PLOD3: variants seen among roughly 807,000 people sequenced by gnomAD.
PLOD3 encodes procollagen-lysine,2-oxoglutarate 5-dioxygenase 3.
In PLOD3, 73 loss-of-function variants were observed where a neutral mutation model predicts 96.9. The ratio of observed to expected loss-of-function variants is 0.75; its 90% CI spans 0.62 to 0.92. The LOEUF is 0.92. Among genes scored for constraint, PLOD3 ranks in the 40% least tolerant of loss-of-function variants. PLOD3 has a pLI of 0.00. For synonymous variants in PLOD3, 454 were observed against 413.7 expected, an observed-to-expected ratio of 1.10 and a Z score of -1.18; for missense variants, 1,004 against 1,004.3, an observed-to-expected ratio of 1.00 and a Z score of 0.00.
At chr7:101,213,080 G>A (rs1482222603) in intron 7 of PLOD3, 27 bp downstream of exon 7, 2 of 1,516,210 alleles carry the variant, frequency 1.3e-6, no homozygotes, top group Admixed American at 1.7e-5. Flanking sequence ...GGCAGGGCGG[G>A]GCGGGGGTTG....
Position 101,217,212 on chromosome 7 carries a change from C to T in PLOD3, c.63G>A (p.Ala21=), listed in dbSNP as rs1057439428. 4.0e-6 allele frequency: 6 copies of T among 1,501,052 alleles called. No individual in the cohort carries two copies. Among genetic ancestry groups the T allele is most frequent in the Non-Finnish European group, 5.3e-6 (6 of 1,126,886 alleles). The allele number at this position is 1,501,052 out of a possible 1,614,324, so 93.0% of individuals were successfully genotyped here. A position where few individuals can be genotyped will look rare whatever the true frequency, so the allele number is the denominator to read the frequency against. The change falls in exon 1 of 19, where the codon GCG becomes GCA. Residue 21 remains alanine, a synonymous_variant. Transcript: ENST00000223127. ...LLLLPLLLPP[A]ASASDRPRGR... is the part of the protein sequence containing the mutation. ...CCCGGGGCCGGTCGGAGGCTGAGGC[C>T]GCAGGGGGCAGCAGCAGCGGCAGCA...
rs1192783718 is a variant in PLOD3 at position 101,216,480 on chromosome 7, C to T, written c.268G>A (p.Val90Ile). ...TCCATTTCCTTCTTTAACCACCGGA[C>T]CTTCTGTCCTCCACCAACTGTTCGA... The part of the protein sequence containing the change: ...VARTVGGGQK[V>I]RWLKKEMEKY... Residue 90 changes from valine (V) to isoleucine (I), a missense_variant, in exon 3 of 19, where the codon GTC becomes ATC. Physicochemically the swap from Val to Ile is conservative, Grantham distance 29 (BLOSUM62 3). Around this residue, in one of 5 missense-constraint regions of PLOD3, gnomAD observed 690 missense variants for 650.2 expected, o/e 1.06. Coordinates refer to ENST00000223127, the MANE Select transcript of PLOD3 (RefSeq NM_001084.5). 3.1e-6 allele frequency: 5 copies of T among 1,614,136 alleles called. No homozygotes were observed. The highest frequency in any genetic ancestry group is 3.3e-5 in the Admixed American group (2 of 60,012).
rs1798078041 is a variant in PLOD3, at chr7:101,206,161, C to CTCAGGTGACATATTCAGTTCAG, written c.*119_*120insCTGAACTGAATATGTCACCTGA. On this transcript the variant is annotated 3_prime_UTR_variant, in exon 19 of 19. Coordinates refer to ENST00000223127, the MANE Select transcript of PLOD3 (RefSeq NM_001084.5). ...CAAGGTGACATATTCAGTTCAGGCA[C>CTCAGGTGACATATTCAGTTCAG]GCGGAACATGAACTCAGGAAGTGGG... The CTCAGGTGACATATTCAGTTCAG allele has an allele frequency of 9.5e-7, 1 of 1,056,102 alleles. No homozygotes were observed. The highest frequency in any genetic ancestry group is 1.5e-6 in the Non-Finnish European group (1 of 674,874). 65.4% of individuals were successfully genotyped at this position (1,056,102 alleles called of 1,614,324 possible). A position where few individuals can be genotyped will look rare whatever the true frequency, so the allele number is the denominator to read the frequency against.
At position 101,211,847 on chromosome 7, in the gene PLOD3, T is replaced by C. The variant is rs750765078; in HGVS notation, c.1231A>G (p.Arg411Gly). The C allele has an allele frequency of 2.8e-5, 45 of 1,610,298 alleles. No individual in the cohort carries two copies. The highest frequency in any genetic ancestry group is 3.8e-5 in the Non-Finnish European group (45 of 1,177,714). ...QTLRILIEENRKVIAPMLSRH... is the reference protein window; with the variant it reads ...QTLRILIEENGKVIAPMLSRH... ...CTGCGGGGAGAGGGGGTAAGCCACC[T>C]GTTCTCCTCAATGAGGATACGCAGG... Residue 411 changes from arginine to glycine, a missense_variant and splice_region_variant, in exon 11 of 19, where the codon AGG becomes GGG. Physicochemically the swap from Arg to Gly is moderately radical, Grantham distance 125. This residue lies in a region of PLOD3 where 690 missense variants were observed against 650.2 expected (regional missense o/e 1.06). Transcript: ENST00000223127.
In PLOD3 at chr7:101,213,078, G is replaced by A. The variant is rs202003525; in HGVS notation, c.777+29C>T. The A allele has an allele frequency of 1.5e-4, 227 of 1,500,878 alleles. 1 individual carries two copies. Among genetic ancestry groups the A allele is most frequent in the Non-Finnish European group, 1.6e-4 (173 of 1,080,076 alleles). The allele number at this position is 1,500,878 out of a possible 1,614,324, so 93.0% of individuals were successfully genotyped here. A position where few individuals can be genotyped will look rare whatever the true frequency, so the allele number is the denominator to read the frequency against. ...AGGTGCCTGGGGGTTGGGGCAGGGC[G>A]GGGCGGGGGTTGAGACCACTGGTGG... On this transcript the variant is annotated intron_variant, in intron 7 of 18. Transcript: ENST00000223127.
intron 9 of PLOD3, 71 bp from the exon 10 acceptor site, chr7:101,212,445 G>A (rs1297444966): frequency 1.3e-5 from 20 of 1,567,650 alleles, no homozygotes; most frequent in African/African-American, 2.7e-5. Context: ...GGGGGTGCAG[G>A]AAGGAGATGG....
rs200689538 is a variant in PLOD3, at chr7:101,212,393, G to T, written c.1006-19C>A. The T allele has an allele frequency of 6.2e-6, 10 of 1,612,886 alleles. No individual in the cohort carries two copies. In the African/African-American group the frequency reaches 8.0e-5, roughly 13 times the overall value. On this transcript the variant is annotated intron_variant, in intron 9 of 18. Coordinates refer to ENST00000223127, the MANE Select transcript of PLOD3 (RefSeq NM_001084.5). The stretch of plus-strand genomic sequence containing the variant: ...AGACCTCCTGGGAGGGGAAGACATA[G>T]GGGGATGGGCTCAGAGGGCAGGGAG...
chr7:101,207,888 C>T (rs1280643134), intron 16 of PLOD3, among the ~76,000 whole-genome samples, 164 bp from the exon 17 acceptor site: 2 of 152,188 alleles, frequency 1.3e-5, no homozygotes, highest in African/African-American at 2.4e-5. Flanking sequence ...GCTCCCGGCC[C>T]TTCAAGTCTC....
chr7:101,211,594 C>T lies in PLOD3; in HGVS notation c.1355G>A (p.Arg452Gln), dbSNP rs370762684. ...GCTGCAGGCTGGCGGGACTCACACTCGCTTCCGCTGCACCAGCTCCACGTA... is the reference window on the plus strand; with the variant it reads ...GCTGCAGGCTGGCGGGACTCACACTTGCTTCCGCTGCACCAGCTCCACGTA... ...EDYVELVQRK[R>Q]VGVWNVPYIS... Residue 452 changes from arginine to glutamine, a missense_variant, in exon 12 of 19, where the codon CGA (arginine) becomes CAA (glutamine). Around this residue, in one of 5 missense-constraint regions of PLOD3, gnomAD observed 690 missense variants for 650.2 expected, o/e 1.06. Transcript: ENST00000223127. 21 of 1,599,206 alleles carry T rather than the reference C, an allele frequency of 1.3e-5. No individual in the cohort carries two copies. In the Admixed American group the frequency reaches 2.6e-4, roughly 20 times the overall value.
rs1269424201 is a variant in PLOD3 at position 101,217,215 on chromosome 7, A to AG, written c.59dup (p.Ala21CysfsTer28). 1.3e-6 allele frequency: 2 copies of AG among 1,496,604 alleles called. No homozygotes were observed. Among genetic ancestry groups the AG allele is most frequent in the African/African-American group, 1.4e-5 (1 of 69,842 alleles). 92.7% of individuals were successfully genotyped at this position (1,496,604 alleles called of 1,614,324 possible). On this transcript the variant is annotated frameshift_variant, in exon 1 of 19. Coordinates refer to ENST00000223127, the MANE Select transcript of PLOD3 (RefSeq NM_001084.5). LOFTEE classifies it high-confidence loss of function. ...GGGGCCGGTCGGAGGCTGAGGCCGC[A>AG]GGGGGCAGCAGCAGCGGCAGCAGCA...
rs1798169437 is a variant in PLOD3 at position 101,210,767 on chromosome 7, A to G, written c.1359-94T>C. The G allele has an allele frequency of 2.1e-6, 3 of 1,440,958 alleles. No individual in the cohort carries two copies. In the Admixed American group the frequency reaches 5.2e-5, roughly 25 times the overall value. 89.3% of individuals were successfully genotyped at this position (1,440,958 alleles called of 1,614,324 possible). On this transcript the variant is annotated intron_variant, in intron 12 of 18. Coordinates refer to ENST00000223127, the MANE Select transcript of PLOD3 (RefSeq NM_001084.5). ...AGTCCTTCTTCCCTCAGGGTATCCC[A>G]GTCCCTGAACATAAGGCCCCTGCAT...
At chr7:101,212,395 G>C in intron 9 of PLOD3, 21 bp from the exon 10 acceptor site, 1 of 1,612,772 alleles carries the variant, frequency 6.2e-7, no homozygotes, top group African/African-American at 1.3e-5. Context: ...AAGACATAGG[G>C]GGATGGGCTC....
chr7:101,216,304 T>C lies in PLOD3; in HGVS notation c.361A>G (p.Ser121Gly). 6.2e-7 allele frequency: 1 copy of C among 1,613,408 alleles called. No homozygotes were observed. The highest frequency in any genetic ancestry group is 8.5e-7 in the Non-Finnish European group (1 of 1,180,030). ...VDSYDVILAG[S>G]PTELLKKFVQ... ...AACTTCTTCAGCAGCTCTGTGGGGC[T>C]GCCGGCCAGAATCACGTCGTAGCTG... is the stretch of plus-strand genomic sequence containing the variant. Residue 121 changes from serine (S) to glycine (G), a missense_variant, in exon 4 of 19, where the codon AGC becomes GGC. Physicochemically the swap from Ser to Gly is moderately conservative, Grantham distance 56. Transcript: ENST00000223127.
Position 101,212,914 on chromosome 7 carries a change from G to A in PLOD3, c.807C>T (p.Val269=). 1 of 1,613,682 alleles carries A rather than the reference G, an allele frequency of 6.2e-7. No individual in the cohort carries two copies. Among genetic ancestry groups the A allele is most frequent in the Non-Finnish European group, 8.5e-7 (1 of 1,179,646 alleles). ...KLQLNYLGNY[V]PNGWTPEGGC... The stretch of plus-strand genomic sequence containing the variant: ...CTCCCTCAGGAGTCCAGCCATTGGG[G>A]ACGTAGTTTCCCAGGTAGTTGAGCT... The change falls in exon 8 of 19, where the codon GTC becomes GTT. Residue 269 remains valine, a synonymous_variant. Coordinates refer to ENST00000223127, the MANE Select transcript of PLOD3 (RefSeq NM_001084.5).
Position 101,210,637 on chromosome 7 carries a change from A to T in PLOD3, c.1395T>A (p.Tyr465Ter). 6.2e-7 allele frequency: 1 copy of T among 1,614,140 alleles called. No homozygotes were observed. Among genetic ancestry groups the T allele is most frequent in the African/African-American group, 1.3e-5 (1 of 75,036 alleles). ...TCCGCAGGGTATCACCCCGGATCACATAGGCCTGGGAGATGTATGGTACAT... is the reference window on the plus strand; with the variant it reads ...TCCGCAGGGTATCACCCCGGATCACTTAGGCCTGGGAGATGTATGGTACAT... ...VWNVPYISQAYVIRGDTLRME... is the reference protein window; with the variant it reads ...VWNVPYISQA Residue 465 changes from tyrosine (Y) to a stop codon, truncating the protein, a stop_gained, in exon 13 of 19, where the codon TAT becomes TAA. Transcript: ENST00000223127. LOFTEE classifies it high-confidence loss of function.
At position 101,217,504 on chromosome 7, in the gene PLOD3, A is replaced by T; in HGVS notation, c.-230T>A. On this transcript the variant is annotated 5_prime_UTR_variant, in exon 1 of 19. Coordinates refer to ENST00000223127, the MANE Select transcript of PLOD3 (RefSeq NM_001084.5). The stretch of plus-strand genomic sequence containing the variant: ...GCGAGGATTGTCCCGGGCGCACGGG[A>T]GGCGGGGGAGGGGCGGCGGCTCGGG... 20 of 409,262 alleles carry T rather than the reference A, an allele frequency of 4.9e-5. No individual in the cohort carries two copies. The highest frequency in any genetic ancestry group is 1.4e-4 in the East Asian group (3 of 22,080). The allele number at this position is 409,262 out of a possible 1,614,324, so 25.4% of individuals were successfully genotyped here.
chr7:101,216,915 G>A (rs1798286575), intron 1 of PLOD3, 129 bp from the exon 2 acceptor site: 7 of 791,474 alleles, frequency 8.8e-6, no homozygotes, highest in South Asian at 6.0e-5. Flanking sequence ...TCTCACCCAG[G>A]AACACTCTGA....
In PLOD3 at chr7:101,211,287, C is replaced by T. The variant is rs1057427393; in HGVS notation, c.1358+304G>A. 7 of 322,354 alleles carry T rather than the reference C, an allele frequency of 2.2e-5. No homozygotes were observed. The Admixed American group carries it at 2.2e-4, about 10-fold the overall frequency. The allele number at this position is 322,354 out of a possible 1,614,324, so 20.0% of individuals were successfully genotyped here. ...CTCAACCTCCCAAGTTCAAGTGATT[C>T]TCCCACCTCAGCCTCCGTAGTAGCT... On this transcript the variant is annotated intron_variant, in intron 12 of 18. Coordinates refer to ENST00000223127, the MANE Select transcript of PLOD3 (RefSeq NM_001084.5).
chr7:101,212,960 G>A lies in PLOD3; in HGVS notation c.778-17C>T. On this transcript the variant is annotated splice_polypyrimidine_tract_variant and intron_variant, in intron 7 of 18. Coordinates refer to ENST00000223127, the MANE Select transcript of PLOD3 (RefSeq NM_001084.5). ...GAGCTGCAGCTGTTGGGGACAGACT[G>A]AGGCTGAGTGGCTGAGGCCTCCAGG... is the stretch of plus-strand genomic sequence containing the variant. 1.9e-6 allele frequency: 3 copies of A among 1,589,834 alleles called. No individual in the cohort carries two copies. The highest frequency in any genetic ancestry group is 1.7e-6 in the Non-Finnish European group (2 of 1,158,028).
Sources: gnomAD v4.1 joint callset for allele counts (sites outside exome capture counted in the v4.1 genomes callset) on GRCh38, gnomAD v4.1.1 for gene constraint, gnomAD v4.1.1 regional missense constraint, MANE v1.5 for transcripts, NCBI Gene and HGNC (gene_info 2026-07-23, HGNC 2026-07-21) for gene names.